Variants in PHF10 observed in about 807,000 individuals in gnomAD.
The protein encoded by PHF10 is BRG1-associated factor 45a.
PHF10 carries 51 observed loss-of-function variants against 68.5 expected under a neutral mutation model. That is an observed-to-expected ratio of 0.74 (90% CI 0.59 to 0.94). PHF10 has a LOEUF of 0.94. Ranked by LOEUF, PHF10 falls within the 40% of genes least tolerant of loss-of-function variation. PHF10 has a pLI of 0.00. For synonymous variants in PHF10, 204 were observed against 203.5 expected, an observed-to-expected ratio of 1.00 and a Z score of -0.02; for missense variants, 460 against 602.6, an observed-to-expected ratio of 0.76 and a Z score of 2.48.
At position 169,705,025 on chromosome 6, in the gene PHF10, T is replaced by TA. The variant is rs375523720; in HGVS notation, c.1411+107dup. ...TCACAGCTTTGGTCATATTTGCACA[T>TA]AAGAGTCCACAAGCTCTTCATGTCA... On this transcript the variant is annotated intron_variant, in intron 11 of 11. Coordinates refer to ENST00000339209, the MANE Select transcript of PHF10 (RefSeq NM_018288.4). The TA allele has an allele frequency of 6.4e-4, 477 of 743,790 alleles. 2 individuals carry two copies. The highest frequency in any genetic ancestry group is 5.7e-3 in the African/African-American group (322 of 56,110). The allele number at this position is 743,790 out of a possible 1,614,324, so 46.1% of individuals were successfully genotyped here.
chr6:169,707,353 C>G (rs2128329000), intron 9 of PHF10: 1 of 152,198 alleles, frequency 6.6e-6, no homozygotes, highest in Admixed American at 6.5e-5. Flanking sequence ...CTAGGAAGTG[C>G]ACTTCTATAA....
chr6:169,708,247 T>A (rs1478786909), intron 9 of PHF10: 1 of 152,192 alleles, frequency 6.6e-6, no homozygotes, highest in African/African-American at 2.4e-5. Flanking sequence ...AGCAATAATA[T>A]AGTATAGATT....
At chr6:169,715,600 C>A (rs917236229) in intron 6 of PHF10, 108 bp downstream of exon 6, 10 of 930,538 alleles carry the variant, frequency 1.1e-5, no homozygotes, top group African/African-American at 3.3e-5. Context: ...ACAAAAAAAA[C>A]ACACACACAT....
intron 6 of PHF10, among the ~76,000 whole-genome samples, chr6:169,715,165 G>A (rs1318483643): frequency 6.6e-6 from 1 of 152,064 alleles, no homozygotes; most frequent in Non-Finnish European, 1.5e-5. Context: ...AACCTCACAT[G>A]GTTACTATGA....
chr6:169,719,308 T>C (rs1254690354), intron 2 of PHF10: 1 of 170,372 alleles, frequency 5.9e-6, no homozygotes, highest in Non-Finnish European at 1.3e-5. Flanking sequence ...AACTTCTGTC[T>C]CTTGTCTACT....
chr6:169,721,779 T>G (rs893029318), intron 1 of PHF10, among the ~76,000 whole-genome samples: 1 of 152,162 alleles, frequency 6.6e-6, no homozygotes, highest in South Asian at 2.1e-4. Context: ...GTATCAGATG[T>G]TAGGAAATTG....
chr6:169,711,365 T>C (rs921191046), intron 8 of PHF10, among the ~76,000 whole-genome samples: 1 of 152,232 alleles, frequency 6.6e-6, no homozygotes, highest in African/African-American at 2.4e-5. Context: ...AAAATTTATT[T>C]GTAACTTCCA....
Position 169,706,004 on chromosome 6 carries a change from GAAGGA to G in PHF10, c.1114-285_1114-281del, listed in dbSNP as rs531109839. 9.9e-5 allele frequency among the ~76,000 whole-genome samples: 15 copies of G among 152,228 alleles called. No individual in the cohort carries two copies. In the South Asian group the frequency reaches 2.9e-3, roughly 29 times the overall value. On this transcript the variant is annotated intron_variant, in intron 9 of 11. Transcript: ENST00000339209. ...CACAGTAAGATTTGTTTAATGAATG[GAAGGA>G]AAGACTAAATACAATGTCAAATGTC... is the stretch of plus-strand genomic sequence containing the variant.
chr6:169,710,965 A>G (rs1788915252), intron 8 of PHF10, among the ~76,000 whole-genome samples: 1 of 152,194 alleles, frequency 6.6e-6, no homozygotes, highest in Non-Finnish European at 1.5e-5. Flanking sequence ...TTAAGACCTC[A>G]GTATCTGATC....
intron 2 of PHF10, among the ~76,000 whole-genome samples, chr6:169,720,075 T>C (rs376550817): frequency 4.6e-5 from 7 of 152,188 alleles, no homozygotes; most frequent in South Asian, 4.1e-4. Context: ...TCAATATCAG[T>C]AGGCATTATG....
intron 9 of PHF10, chr6:169,708,700 T>G (rs1338658403): frequency 2.0e-5 from 3 of 152,190 alleles, no homozygotes; most frequent in African/African-American, 7.2e-5. Flanking sequence ...TAGTGTTGAA[T>G]AGCTGATTTC....
chr6:169,709,351 G>C (rs1788876844), intron 9 of PHF10: 1 of 152,112 alleles, frequency 6.6e-6, no homozygotes, highest in Non-Finnish European at 1.5e-5. Context: ...ACCTTCATAA[G>C]TGCAATAAAA....
chr6:169,722,362 T>C (rs1043656352), intron 1 of PHF10, among the ~76,000 whole-genome samples: 1 of 152,226 alleles, frequency 6.6e-6, no homozygotes, highest in Non-Finnish European at 1.5e-5. Context: ...CACTGCATAT[T>C]CAATACTTTC....
At chr6:169,706,741 C>T (rs879550398) in intron 9 of PHF10, among the ~76,000 whole-genome samples, 2,711 of 120,630 alleles carry the variant, frequency 0.022, 27 homozygotes, top group Non-Finnish European at 0.03. Flanking sequence ...CACACACACA[C>T]ACACACACAC....
rs1332368284 is a variant in PHF10, at chr6:169,723,959, C to CCGCCGT, written c.-34_-29dup. 6.6e-6 allele frequency: 5 copies of CCGCCGT among 752,660 alleles called. No homozygotes were observed. Among genetic ancestry groups the CCGCCGT allele is most frequent in the South Asian group, 1.1e-4 (2 of 17,426 alleles). The allele number at this position is 752,660 out of a possible 1,614,324, so 46.6% of individuals were successfully genotyped here. A position where few individuals can be genotyped will look rare whatever the true frequency, so the allele number is the denominator to read the frequency against. Reference sequence around the variant, plus strand: ...GCCCGAGCGCCCCGCGCCGCCGCCGCCGCCGTCGCCTCCGCCTTGTCCCGG... The same window carrying CCGCCGT: ...GCCCGAGCGCCCCGCGCCGCCGCCGCCGCCGTCGCCGTCGCCTCCGCCTTGTCCCGG... On this transcript the variant is annotated 5_prime_UTR_variant, in exon 1 of 12. Coordinates refer to ENST00000339209, the MANE Select transcript of PHF10 (RefSeq NM_018288.4).
chr6:169,723,460 TC>T (rs1399981396), intron 1 of PHF10, among the ~76,000 whole-genome samples: 1 of 152,210 alleles, frequency 6.6e-6, no homozygotes, highest in East Asian at 1.9e-4. Context: ...TTCAAACACT[TC>T]GGCAAACTAT....
At chr6:169,721,675 AT>A (rs201268492) in intron 1 of PHF10, among the ~76,000 whole-genome samples, 87 of 146,030 alleles carry the variant, frequency 6.0e-4, no homozygotes, top group African/African-American at 1.2e-3. Context: ...GGGGAGGGGA[AT>A]TTTTTTTTTA....
At chr6:169,713,569 A>G (rs1167872346) in intron 7 of PHF10, among the ~76,000 whole-genome samples, 1 of 151,194 alleles carries the variant, frequency 6.6e-6, no homozygotes, top group Non-Finnish European at 1.5e-5. Context: ...ACTGCACTCC[A>G]GCCTGGGCGA....
chr6:169,709,086 AAT>A, intron 9 of PHF10: 1 of 152,232 alleles, frequency 6.6e-6, no homozygotes, highest in African/African-American at 2.4e-5. Flanking sequence ...AAAAAAAAAG[AAT>A]TTTTAAGTTA....
Sources: allele counts gnomAD v4.1 joint callset (sites outside exome capture counted in the v4.1 genomes callset), GRCh38; gene constraint gnomAD v4.1.1; transcripts MANE v1.5; gene names NCBI Gene and HGNC (gene_info 2026-07-23, HGNC 2026-07-21).